The following SYTL2 variants were observed in gnomAD, a reference collection of about 807,000 sequenced individuals.
SYTL2 encodes the protein synaptotagmin like 2.
SYTL2 carries 165 observed loss-of-function variants against 198.7 expected under a neutral mutation model. That is an observed-to-expected ratio of 0.83 (90% CI 0.73 to 0.94). The LOEUF (loss-of-function observed/expected upper bound fraction) is 0.94, where lower values mean the gene tolerates loss of function less well. Ranked by LOEUF, SYTL2 falls within the 40% of genes least tolerant of loss-of-function variation. The probability of loss-of-function intolerance (pLI) is 0.00; values close to 1 mark genes in which losing one functional copy is unlikely to be tolerated. For synonymous variants in SYTL2, 966 were observed against 917.7 expected, an observed-to-expected ratio of 1.05 and a Z score of -0.95; for missense variants, 2,835 against 2,582.8, an observed-to-expected ratio of 1.10 and a Z score of -2.12.
At position 85,757,631 on chromosome 11, in the gene SYTL2, C is replaced by G. The variant is rs2091941956; in HGVS notation, c.95G>C (p.Arg32Thr). ...GGCTTCTCTGGCCTCTTACCTGACT[C>G]TCTCTTCTTCGGCCCTCTTCAGAGC... ...DAALKRAEEE[R>T]VRHLPEKIKD... The change falls in exon 2 of 20, where the codon AGA becomes ACA. Residue 32 changes from arginine to threonine, a missense_variant. This residue lies in a region of SYTL2 where 2,645 missense variants were observed against 2,381.7 expected (regional missense o/e 1.11). Coordinates refer to ENST00000359152, the MANE Select transcript of SYTL2 (RefSeq NM_206927.4). The G allele has an allele frequency of 6.2e-7, 1 of 1,613,772 alleles. No homozygotes were observed. The highest frequency in any genetic ancestry group is 1.1e-5 in the South Asian group (1 of 91,070).
intron 4 of SYTL2, among the ~76,000 whole-genome samples, chr11:85,742,795 C>T (rs1411158564): frequency 1.3e-5 from 2 of 152,134 alleles, no homozygotes; most frequent in African/African-American, 4.8e-5. Flanking sequence ...CTGGTCCAAC[C>T]AACACTGCCC....
In SYTL2 at chr11:85,783,737, G is replaced by T. The variant is rs142289208; in HGVS notation, c.-389-25623C>A. Among the ~76,000 whole-genome samples, 607 of 152,230 alleles carry T rather than the reference G, an allele frequency of 4.0e-3. 7 individuals are homozygous for T. The highest frequency in any genetic ancestry group is 0.014 in the African/African-American group (587 of 41,532). On this transcript the variant is annotated intron_variant, in intron 1 of 19. Coordinates refer to ENST00000359152, the MANE Select transcript of SYTL2 (RefSeq NM_206927.4). ...ATTACTCAGTTAACTGCTAGTAATGGCAGCACAACTCCAGCCAGATTGTCC... is the reference window on the plus strand; with the variant it reads ...ATTACTCAGTTAACTGCTAGTAATGTCAGCACAACTCCAGCCAGATTGTCC...
rs772895211 is a variant in SYTL2 at position 85,719,411 on chromosome 11, C to G, written c.5429-568G>C. 1.3e-5 allele frequency: 11 copies of G among 823,650 alleles called. No homozygotes were observed. The South Asian group carries it at 1.7e-4, about 13-fold the overall frequency. 51.0% of individuals were successfully genotyped at this position (823,650 alleles called of 1,614,324 possible). On this transcript the variant is annotated intron_variant, in intron 9 of 19. Coordinates refer to ENST00000359152, the MANE Select transcript of SYTL2 (RefSeq NM_206927.4). ...TCAGCTGATGGTGATTTTTTTTTAA[C>G]CCTATACATTCCTGAGTACTTTAAA... is the stretch of plus-strand genomic sequence containing the variant.
intron 16 of SYTL2, 88 bp downstream of exon 16, chr11:85,704,763 ATCTGTAC>A: frequency 1.0e-6 from 1 of 991,148 alleles, no homozygotes; most frequent in Non-Finnish European, 1.5e-6. Context: ...CAAACTACAG[ATCTGTAC>A]TCTGAATTAA....
At chr11:85,812,206 C>A (rs1383292420), upstream of SYTL2, among the ~76,000 whole-genome samples, 3 of 152,228 alleles carry the variant, frequency 2.0e-5, no homozygotes, top group Non-Finnish European at 4.4e-5. Flanking sequence ...AGGAGATGAA[C>A]CTTAAAGCCT....
intron 1 of SYTL2, among the ~76,000 whole-genome samples, chr11:85,758,929 T>C (rs1036381527): frequency 2.6e-5 from 4 of 152,142 alleles, no homozygotes; most frequent in Non-Finnish European, 4.4e-5. Context: ...GTGCTGAACA[T>C]ACACACTAAA....
the SYTL2 span, among the ~76,000 whole-genome samples, chr11:85,825,649 A>G: frequency 6.6e-6 from 1 of 152,238 alleles, no homozygotes; most frequent in Non-Finnish European, 1.5e-5. Context: ...TAGGCAAGGA[A>G]ACTGAGGCAG....
chr11:85,762,491 T>C (rs1453722016), intron 1 of SYTL2, among the ~76,000 whole-genome samples: 1 of 152,206 alleles, frequency 6.6e-6, no homozygotes, highest in Non-Finnish European at 1.5e-5. Context: ...AGGCTTAAAA[T>C]CCTTCACCAA....
chr11:85,829,158 T>A, the SYTL2 span, among the ~76,000 whole-genome samples: 1 of 152,144 alleles, frequency 6.6e-6, no homozygotes, highest in South Asian at 2.1e-4. Flanking sequence ...TGCTGAAGTT[T>A]GAGGTACAAA....
intron 12 of SYTL2, among the ~76,000 whole-genome samples, chr11:85,711,499 G>T (rs2086277673): frequency 6.6e-6 from 1 of 152,170 alleles, no homozygotes; most frequent in Non-Finnish European, 1.5e-5. Flanking sequence ...AAGTGCTGCA[G>T]AAGACAGCAC....
At chr11:85,753,426 G>A (rs1025930742) in intron 2 of SYTL2, among the ~76,000 whole-genome samples, 1 of 152,006 alleles carries the variant, frequency 6.6e-6, no homozygotes, top group Non-Finnish European at 1.5e-5. Flanking sequence ...AAGACAGTGT[G>A]GTAGCAACAG....
rs57873368 is a variant in SYTL2, at chr11:85,777,812, C to CTTTTTTTTTTTTTT, written c.-389-19712_-389-19699dup. 1.4e-4 allele frequency among the ~76,000 whole-genome samples: 9 copies of CTTTTTTTTTTTTTT among 63,290 alleles called. 2 individuals carry two copies. Among genetic ancestry groups the CTTTTTTTTTTTTTT allele is most frequent in the African/African-American group, 2.9e-4 (5 of 17,530 alleles). The allele number at this position is 63,290 out of a possible 152,430, so 41.5% of individuals were successfully genotyped here. ...CTTACCAGAATTACAGGTCTTACTT[C>CTTTTTTTTTTTTTT]TTTTTTTTTTTTTTTTTTTTTTTTT... On this transcript the variant is annotated intron_variant, in intron 1 of 19. Coordinates refer to ENST00000359152, the MANE Select transcript of SYTL2 (RefSeq NM_206927.4).
Position 85,724,068 on chromosome 11 carries a change from T to C in SYTL2, c.5290A>G (p.Thr1764Ala). The C allele has an allele frequency of 1.9e-6, 3 of 1,549,612 alleles. No individual in the cohort carries two copies. The highest frequency in any genetic ancestry group is 2.2e-5 in the Admixed American group (1 of 45,156). The change falls in exon 8 of 20, where the codon ACC becomes GCC. Residue 1764 changes from threonine (T) to alanine (A), a missense_variant. Thr to Ala is a moderately conservative substitution (Grantham distance 58). This residue lies in a region of SYTL2 where 2,645 missense variants were observed against 2,381.7 expected (regional missense o/e 1.11). Coordinates refer to ENST00000359152, the MANE Select transcript of SYTL2 (RefSeq NM_206927.4). ...CTCCAGCTCTCTGCATTAGAACTGG[T>C]GTTTCCATCTGAAAAATCAGACTCA... ...FSESDFSDGNTSSNAESWRNP... is the reference protein window; with the variant it reads ...FSESDFSDGNASSNAESWRNP...
rs1051049299 is a variant in SYTL2, at chr11:85,726,533, T to C, written c.2825A>G (p.His942Arg). ...QPPSNVGSER[H>R]APLEKDRPLV... is the part of the protein sequence containing the mutation. The stretch of plus-strand genomic sequence containing the variant: ...AGGTCTGTCTTTCTCCAATGGAGCA[T>C]GTCGTTCACTCCCGACATTTGAGGG... Residue 942 changes from histidine to arginine, a missense_variant, in exon 8 of 20, where the codon CAT becomes CGT. Transcript: ENST00000359152. 4 of 1,602,156 alleles carry C rather than the reference T, an allele frequency of 2.5e-6. No individual in the cohort carries two copies. In the African/African-American group the frequency reaches 4.0e-5, roughly 16 times the overall value.
Position 85,721,061 on chromosome 11 carries a change from CTA to C in SYTL2, c.5327-104_5327-103del, listed in dbSNP as rs1003371818. 2.7e-4 allele frequency: 182 copies of C among 664,372 alleles called. No homozygotes were observed. In the Middle Eastern group the frequency reaches 3.0e-3, roughly 11 times the overall value. The allele number at this position is 664,372 out of a possible 1,614,324, so 41.2% of individuals were successfully genotyped here. A position where few individuals can be genotyped will look rare whatever the true frequency, so the allele number is the denominator to read the frequency against. ...TGGTAGGCTGAAAAGAGACATTATG[CTA>C]TGAGTTTCTACTTTAAGAAGCACTT... is the stretch of plus-strand genomic sequence containing the variant. On this transcript the variant is annotated intron_variant, in intron 8 of 19. Coordinates refer to ENST00000359152, the MANE Select transcript of SYTL2 (RefSeq NM_206927.4).
intron 1 of SYTL2, among the ~76,000 whole-genome samples, chr11:85,775,966 G>A (rs1383001032): frequency 6.6e-6 from 1 of 152,202 alleles, no homozygotes; most frequent in Admixed American, 6.5e-5. Flanking sequence ...CCCAATGATG[G>A]AGGTACGGCC....
intron 10 of SYTL2, 121 bp downstream of exon 10, chr11:85,718,669 A>G (rs1053813040): frequency 2.5e-6 from 2 of 807,700 alleles, no homozygotes; most frequent in Admixed American, 4.4e-5. Flanking sequence ...CTTAGGCACT[A>G]TTCACCACAT....
intron 19 of SYTL2, among the ~76,000 whole-genome samples, chr11:85,695,867 T>C (rs1296548437): frequency 1.3e-5 from 2 of 152,204 alleles, no homozygotes; most frequent in African/African-American, 4.8e-5. Flanking sequence ...TTGTTATTAC[T>C]CAAAGCATAT....
At chr11:85,853,062 C>A in the SYTL2 span, 1 of 298,464 alleles carries the variant, frequency 3.4e-6, no homozygotes, top group Non-Finnish European at 6.6e-6. Context: ...CTCCGCCCGG[C>A]CGCCTCCCCG....
Sources: allele counts gnomAD v4.1 joint callset (sites outside exome capture counted in the v4.1 genomes callset), GRCh38; gene constraint gnomAD v4.1.1; regional missense constraint gnomAD v4.1.1; transcripts MANE v1.5; gene names NCBI Gene and HGNC (gene_info 2026-07-23, HGNC 2026-07-21).